Variants in L3MBTL4 observed in about 807,000 individuals in gnomAD.
L3MBTL4 encodes the protein lethal(3)malignant brain tumor-like protein 4.
A neutral mutation model predicts 84.5 loss-of-function variants in L3MBTL4; 70 were observed. The observed-to-expected ratio is 0.83, with a 90% CI of 0.68 to 1.01. L3MBTL4 has a LOEUF of 1.01. Among genes scored for constraint, L3MBTL4 ranks in the 50% least tolerant of loss-of-function variants. The pLI is 0.00. For missense variants in L3MBTL4, 715 were observed against 754.8 expected (o/e 0.95, Z 0.62); for synonymous variants, 274 against 259.8 (o/e 1.05, Z -0.52).
chr18:6,406,377 A>G (rs1216262821), intron 1 of L3MBTL4, among the ~76,000 whole-genome samples: 1 of 152,150 alleles, frequency 6.6e-6, no homozygotes, highest in Admixed American at 6.5e-5. Context: ...AGAACATTTT[A>G]CAAGAGAAAA....
chr18:6,262,906 C>T (rs916513733), intron 5 of L3MBTL4, among the ~76,000 whole-genome samples: 7 of 152,178 alleles, frequency 4.6e-5, no homozygotes, highest in Admixed American at 1.3e-4. Flanking sequence ...CTTTCACATG[C>T]TAACATGAGT....
intron 1 of L3MBTL4, among the ~76,000 whole-genome samples, chr18:6,354,343 T>C (rs1384424887): frequency 1.3e-5 from 2 of 152,048 alleles, no homozygotes; most frequent in African/African-American, 4.8e-5. Flanking sequence ...TGAGAAAACA[T>C]CAGCGAAACT....
At chr18:6,176,276 T>TG (rs1329194407) in intron 12 of L3MBTL4, among the ~76,000 whole-genome samples, 1 of 152,148 alleles carries the variant, frequency 6.6e-6, no homozygotes, top group Non-Finnish European at 1.5e-5. Flanking sequence ...TTAACAAAGT[T>TG]GGAGAACTGA....
intron 16 of L3MBTL4, among the ~76,000 whole-genome samples, chr18:6,079,620 AT>A (rs1598671799): frequency 1.3e-5 from 2 of 152,282 alleles, no homozygotes; most frequent in East Asian, 1.9e-4. Context: ...GAACTACAAA[AT>A]TGTGTATCTG....
At chr18:6,315,139 C>T (rs894682513) in intron 1 of L3MBTL4, among the ~76,000 whole-genome samples, 2 of 152,168 alleles carry the variant, frequency 1.3e-5, no homozygotes, top group African/African-American at 4.8e-5. Context: ...CTATGTCTAA[C>T]GACATGCACA....
chr18:6,260,047 T>A (rs1235359916), intron 5 of L3MBTL4: 1 of 152,082 alleles, frequency 6.6e-6, no homozygotes, highest in Non-Finnish European at 1.5e-5. Flanking sequence ...GAATAGGGAG[T>A]CCTTTCCCCA....
chr18:6,143,313 T>G (rs73381926), intron 13 of L3MBTL4, among the ~76,000 whole-genome samples: 3,384 of 152,192 alleles, frequency 0.022, 141 homozygotes, highest in African/African-American at 0.077. Flanking sequence ...ACCTCAACTA[T>G]GGGAGAAGAG....
At chr18:6,032,135 G>A (rs1008931596) in intron 16 of L3MBTL4, 18 of 262,506 alleles carry the variant, frequency 6.9e-5, no homozygotes, top group East Asian at 1.7e-4. Context: ...CCGCCACCAC[G>A]CCTGGCTAAT....
chr18:6,090,661 T>C (rs1568102546), intron 15 of L3MBTL4, among the ~76,000 whole-genome samples: 1 of 150,252 alleles, frequency 6.7e-6, no homozygotes, highest in Non-Finnish European at 1.5e-5. Context: ...AGGGTCTCAC[T>C]CTGTCACCTA....
Position 6,208,029 on chromosome 18 carries a change from G to A in L3MBTL4, c.981+5120C>T, listed in dbSNP as rs373331320. 5.9e-5 allele frequency among the ~76,000 whole-genome samples: 9 copies of A among 152,098 alleles called. No individual in the cohort carries two copies. The East Asian group carries it at 1.4e-3, about 23-fold the overall frequency. On this transcript the variant is annotated intron_variant, in intron 12 of 18. Coordinates refer to ENST00000317931, the MANE Select transcript of L3MBTL4 (RefSeq NM_001330559.2). ...CTCAGGAGGCTGAGGTGTGAGAATT[G>A]TGTGAGCCCATGGAGGTCAAGGCTG...
At chr18:6,003,719 G>A (rs2054330587) in intron 16 of L3MBTL4, among the ~76,000 whole-genome samples, 1 of 151,972 alleles carries the variant, frequency 6.6e-6, no homozygotes, top group South Asian at 2.1e-4. Flanking sequence ...CCACAATTAG[G>A]TGAAATTAAA....
intron 16 of L3MBTL4, chr18:6,030,706 T>A (rs2055752016): frequency 2.1e-6 from 2 of 973,796 alleles, no homozygotes; most frequent in African/African-American, 3.5e-5. Flanking sequence ...TTTTTCTTTG[T>A]ATTTAGTTTA....
chr18:6,210,764 T>A (rs1381274143), intron 12 of L3MBTL4, among the ~76,000 whole-genome samples: 1 of 152,228 alleles, frequency 6.6e-6, no homozygotes, highest in Non-Finnish European at 1.5e-5. Flanking sequence ...CCTGTTAACA[T>A]TCCCCATGTA....
At chr18:6,241,017 G>A (rs1345597230) in intron 8 of L3MBTL4, among the ~76,000 whole-genome samples, 5 of 152,160 alleles carry the variant, frequency 3.3e-5, no homozygotes, top group Non-Finnish European at 5.9e-5. Context: ...CCTACTTAGA[G>A]TATCTGCTGG....
chr18:6,217,651 A>G (rs2046381966), intron 10 of L3MBTL4, among the ~76,000 whole-genome samples: 1 of 152,160 alleles, frequency 6.6e-6, no homozygotes, highest in Admixed American at 6.5e-5. Context: ...CAGGAGTAAC[A>G]CTGCTAGATC....
intron 16 of L3MBTL4, among the ~76,000 whole-genome samples, chr18:6,079,191 TTTGA>T (rs914662053): frequency 2.6e-5 from 4 of 152,136 alleles, no homozygotes; most frequent in African/African-American, 9.7e-5. Flanking sequence ...GAAGAGCCAC[TTTGA>T]TTGACAAAAG....
chr18:6,156,509 A>G (rs2043110959), intron 13 of L3MBTL4, among the ~76,000 whole-genome samples: 1 of 152,172 alleles, frequency 6.6e-6, no homozygotes, highest in Admixed American at 6.6e-5. Flanking sequence ...ATAGATACAT[A>G]ACAATTGCAT....
intron 1 of L3MBTL4, among the ~76,000 whole-genome samples, chr18:6,369,238 C>T (rs1047464537): frequency 6.6e-6 from 1 of 152,064 alleles, no homozygotes; most frequent in Admixed American, 6.6e-5. Context: ...AGACAGAAAT[C>T]AGCCATCTGT....
chr18:6,215,615 A>G (rs923490449), intron 11 of L3MBTL4, 135 bp downstream of exon 11: 41 of 471,718 alleles, frequency 8.7e-5, no homozygotes, highest in Non-Finnish European at 2.6e-5. Flanking sequence ...TAACTAAAAG[A>G]AAAGCATATT....
Sources: gnomAD v4.1 joint callset for allele counts (sites outside exome capture counted in the v4.1 genomes callset) on GRCh38, gnomAD v4.1.1 for gene constraint, MANE v1.5 for transcripts, NCBI Gene and HGNC (gene_info 2026-07-23, HGNC 2026-07-21) for gene names.